The following MCC variants were observed in gnomAD, a reference collection of about 807,000 sequenced individuals.
The protein encoded by MCC is MCC regulator of Wnt signaling pathway.
MCC carries 90 observed loss-of-function variants against 116.2 expected under a neutral mutation model. The observed-to-expected ratio is 0.77, with a 90% CI of 0.65 to 0.92. The LOEUF (loss-of-function observed/expected upper bound fraction) is 0.92, where lower values mean the gene tolerates loss of function less well. Among genes scored for constraint, MCC ranks in the 40% least tolerant of loss-of-function variants. The pLI, the probability that MCC is intolerant of heterozygous loss-of-function variation, is 0.00. For synonymous variants in MCC, 578 were observed against 510.5 expected, an observed-to-expected ratio of 1.13 and a Z score of -1.78; for missense variants, 1,516 against 1,312.2, an observed-to-expected ratio of 1.16 and a Z score of -2.40.
chr5:113,453,121 A>G (rs1235536718), intron 1 of MCC, among the ~76,000 whole-genome samples: 3 of 152,222 alleles, frequency 2.0e-5, no homozygotes, highest in African/African-American at 7.2e-5. Flanking sequence ...CTGTCTCAGC[A>G]GTCTTATTGA....
intron 11 of MCC, among the ~76,000 whole-genome samples, chr5:113,081,815 G>T (rs1228020995): frequency 1.3e-5 from 2 of 152,176 alleles, no homozygotes; most frequent in Admixed American, 6.5e-5. Context: ...GTATTAAACA[G>T]CTTCAATCAG....
chr5:113,140,152 A>T (rs1364880032), intron 5 of MCC, among the ~76,000 whole-genome samples: 1 of 152,194 alleles, frequency 6.6e-6, no homozygotes, highest in Non-Finnish European at 1.5e-5. Flanking sequence ...TGGATTTTCT[A>T]CTTATCTCTT....
chr5:113,338,708 T>C (rs919108805), intron 3 of MCC, among the ~76,000 whole-genome samples: 1 of 152,214 alleles, frequency 6.6e-6, no homozygotes, highest in African/African-American at 2.4e-5. Flanking sequence ...CTGCAAATTA[T>C]TTGAAGCAGG....
chr5:113,358,548 A>G (rs554388350), intron 2 of MCC, among the ~76,000 whole-genome samples: 1 of 152,134 alleles, frequency 6.6e-6, no homozygotes, highest in Non-Finnish European at 1.5e-5. Flanking sequence ...GATATTGTCT[A>G]TGTTTAGTGG....
At chr5:113,234,211 A>G (rs930574388) in intron 3 of MCC, among the ~76,000 whole-genome samples, 3 of 152,098 alleles carry the variant, frequency 2.0e-5, no homozygotes, top group African/African-American at 7.2e-5. Context: ...ATATCAAGAA[A>G]CCTATTTATT....
At chr5:113,132,381 T>TATAC (rs1561384791) in intron 5 of MCC, among the ~76,000 whole-genome samples, 2 of 129,890 alleles carry the variant, frequency 1.5e-5, no homozygotes, top group African/African-American at 5.5e-5. Context: ...TGTATATATA[T>TATAC]ACATACATAT....
At chr5:113,137,349 ACACAGAG>A (rs1200894730) in intron 5 of MCC, among the ~76,000 whole-genome samples, 1 of 152,288 alleles carries the variant, frequency 6.6e-6, no homozygotes, top group East Asian at 1.9e-4. Flanking sequence ...TTTGGGTGGG[ACACAGAG>A]CCAAACCATA....
chr5:113,068,824 TCAGATGATA>T (rs1457702648), intron 12 of MCC, among the ~76,000 whole-genome samples: 1 of 152,176 alleles, frequency 6.6e-6, no homozygotes, highest in Non-Finnish European at 1.5e-5. Context: ...CACTGAGGTC[TCAGATGATA>T]CAGCCCTGGC....
chr5:113,367,213 T>C (rs1265970756), intron 2 of MCC, among the ~76,000 whole-genome samples: 2 of 152,198 alleles, frequency 1.3e-5, no homozygotes, highest in Admixed American at 6.5e-5. Flanking sequence ...TGCAAATTAT[T>C]ATAATGAAAA....
chr5:113,060,694 AG>A (rs1753154099), intron 14 of MCC, among the ~76,000 whole-genome samples: 1 of 152,244 alleles, frequency 6.6e-6, no homozygotes. Flanking sequence ...AACCATAAAA[AG>A]CATTCCATGT....
chr5:113,384,545 G>A (rs377670012), intron 2 of MCC, among the ~76,000 whole-genome samples: 15 of 152,248 alleles, frequency 9.9e-5, no homozygotes, highest in Middle Eastern at 3.4e-3. Flanking sequence ...CCGAGATCCC[G>A]CCACTGCACG....
chr5:113,084,842 T>A (rs1307006343), intron 9 of MCC, among the ~76,000 whole-genome samples: 1 of 152,184 alleles, frequency 6.6e-6, no homozygotes, highest in Non-Finnish European at 1.5e-5. Flanking sequence ...AACCTTAGTC[T>A]TTGAGAGCAA....
chr5:113,194,055 C>G (rs1188396731), intron 3 of MCC, among the ~76,000 whole-genome samples: 4 of 152,146 alleles, frequency 2.6e-5, no homozygotes, highest in East Asian at 1.9e-4. Flanking sequence ...ACTGAAGAAA[C>G]AGCACTTGGG....
chr5:113,195,627 A>T (rs1762366900), intron 3 of MCC, among the ~76,000 whole-genome samples: 1 of 152,212 alleles, frequency 6.6e-6, no homozygotes, highest in Non-Finnish European at 1.5e-5. Flanking sequence ...AAGCACCCTT[A>T]GAAGAAATGG....
At chr5:113,384,087 G>C (rs142996636) in intron 2 of MCC, among the ~76,000 whole-genome samples, 1,735 of 152,060 alleles carry the variant, frequency 0.011, 44 homozygotes, top group African/African-American at 0.04. Context: ...TTTTTATTAT[G>C]TAAAATCTCA....
At chr5:113,170,988 A>C (rs1290672187) in intron 3 of MCC, among the ~76,000 whole-genome samples, 1 of 152,032 alleles carries the variant, frequency 6.6e-6, no homozygotes, top group Non-Finnish European at 1.5e-5. Context: ...ATGCGTCCCT[A>C]AAGCTTTGGC....
At chr5:113,484,676 A>G (rs1160075027) in intron 1 of MCC, among the ~76,000 whole-genome samples, 1 of 152,230 alleles carries the variant, frequency 6.6e-6, no homozygotes, top group Non-Finnish European at 1.5e-5. Flanking sequence ...AGGCATCAAC[A>G]TTTGAGCTGA....
At chr5:113,219,201 T>A (rs1179585843) in intron 3 of MCC, among the ~76,000 whole-genome samples, 1 of 152,140 alleles carries the variant, frequency 6.6e-6, no homozygotes, top group Admixed American at 6.5e-5. Flanking sequence ...AATGTTGGGG[T>A]GCTGAAGATT....
chr5:113,093,433 CCAG>C (rs1251860681), intron 8 of MCC, among the ~76,000 whole-genome samples: 1 of 151,872 alleles, frequency 6.6e-6, no homozygotes, highest in Admixed American at 6.6e-5. Flanking sequence ...GGCAACATAG[CCAG>C]ATCCCATATC....
Sources: allele counts gnomAD v4.1 joint callset (sites outside exome capture counted in the v4.1 genomes callset), GRCh38; gene constraint gnomAD v4.1.1; transcripts MANE v1.5; gene names NCBI Gene and HGNC (gene_info 2026-07-23, HGNC 2026-07-21).